LRFN5: variants seen among roughly 807,000 people sequenced by gnomAD.
LRFN5 encodes leucine rich repeat and fibronectin type III domain containing 5.
Under a neutral mutation model 45.6 loss-of-function variants are expected in LRFN5, and 24 were observed. The observed-to-expected ratio is 0.53, with a 90% CI of 0.38 to 0.74. The LOEUF is 0.74. Ranked by LOEUF, LRFN5 falls within the 30% of genes least tolerant of loss-of-function variation. The pLI is 0.00. For missense variants in LRFN5, 776 were observed against 861.5 expected (o/e 0.90, Z 1.24); for synonymous variants, 340 against 313.8 (o/e 1.08, Z -0.88).
chr14:41,839,225 T>C (rs1888772118), intron 2 of LRFN5, among the ~76,000 whole-genome samples: 1 of 152,096 alleles, frequency 6.6e-6, no homozygotes, highest in African/African-American at 2.4e-5. Context: ...AAAATAATTC[T>C]CAGAGTAGAA....
intron 1 of LRFN5, among the ~76,000 whole-genome samples, chr14:41,765,636 G>A (rs1247214091): frequency 1.3e-5 from 2 of 152,098 alleles, no homozygotes; most frequent in Non-Finnish European, 2.9e-5. Context: ...TATCAACATG[G>A]TTGTCAAATG....
At chr14:41,851,038 C>G (rs1889247992) in intron 2 of LRFN5, among the ~76,000 whole-genome samples, 1 of 151,652 alleles carries the variant, frequency 6.6e-6, no homozygotes, top group Admixed American at 6.6e-5. Context: ...AACATAGTAT[C>G]TTATGCATTT....
chr14:41,894,146 TC>T lies in LRFN5; in HGVS notation c.2098+2185del, dbSNP rs1175495921. The T allele has an allele frequency of 1.6e-4, 158 of 984,724 alleles. No homozygotes were observed. In the African/African-American group the frequency reaches 2.3e-3, roughly 14 times the overall value. The allele number at this position is 984,724 out of a possible 1,614,324, so 61.0% of individuals were successfully genotyped here. Reference sequence around the variant, plus strand: ...TTGCAAGACTTAAAGAAATGAATCTTCAAAGACTTTCTGGGATTATGAAGGT... The same window carrying T: ...TTGCAAGACTTAAAGAAATGAATCTTAAAGACTTTCTGGGATTATGAAGGT... On this transcript the variant is annotated intron_variant, in intron 4 of 5. Transcript: ENST00000298119.
intron 2 of LRFN5, among the ~76,000 whole-genome samples, chr14:41,820,098 A>C (rs145630313): frequency 1.1e-3 from 167 of 151,894 alleles, no homozygotes; most frequent in East Asian, 2.9e-3. Flanking sequence ...GTGTTTTGCT[A>C]TGCAGAAGAT....
intron 1 of LRFN5, among the ~76,000 whole-genome samples, chr14:41,720,888 C>T (rs1883686546): frequency 6.6e-6 from 1 of 151,906 alleles, no homozygotes; most frequent in Non-Finnish European, 1.5e-5. Flanking sequence ...CTATAGATGT[C>T]TGTTAGATAC....
chr14:41,718,786 T>G (rs560669282), intron 1 of LRFN5, among the ~76,000 whole-genome samples: 1 of 152,336 alleles, frequency 6.6e-6, no homozygotes, highest in Non-Finnish European at 1.5e-5. Flanking sequence ...GAAACTCAGC[T>G]TTAAACACTT....
chr14:41,855,246 T>C (rs183057115), intron 2 of LRFN5, among the ~76,000 whole-genome samples: 1 of 152,294 alleles, frequency 6.6e-6, no homozygotes, highest in African/African-American at 2.4e-5. Context: ...ATAACTCACA[T>C]AGATATTAGG....
At chr14:41,724,148 T>C (rs796997770) in intron 1 of LRFN5, among the ~76,000 whole-genome samples, 4 of 152,338 alleles carry the variant, frequency 2.6e-5, no homozygotes, top group African/African-American at 9.6e-5. Context: ...TCTACCCATC[T>C]CTTCTCCTTC....
intron 3 of LRFN5, among the ~76,000 whole-genome samples, chr14:41,890,308 C>A (rs183047467): frequency 2.6e-5 from 4 of 152,128 alleles, no homozygotes; most frequent in African/African-American, 9.7e-5. Flanking sequence ...GTTCATGTTT[C>A]TAGGATAATA....
chr14:41,608,347 A>AT lies in LRFN5; in HGVS notation c.-410dup, dbSNP rs1887587538. ...CGGGTTTCATGGGGCGATTGCAGCG[A>AT]TTCCCCCACCCAGAGCGACCTGCGG... On this transcript the variant is annotated 5_prime_UTR_variant, in exon 1 of 6. It removes the in-frame stop codon of an upstream open reading frame in the 5' UTR. Transcript: ENST00000298119. The AT allele has an allele frequency of 6.5e-6, 1 of 152,856 alleles. No individual in the cohort carries two copies. Among genetic ancestry groups the AT allele is most frequent in the South Asian group, 2.1e-4 (1 of 4,834 alleles). 9.5% of individuals were successfully genotyped at this position (152,856 alleles called of 1,614,324 possible). A position where few individuals can be genotyped will look rare whatever the true frequency, so the allele number is the denominator to read the frequency against.
At chr14:41,869,440 T>G (rs115074410) in intron 2 of LRFN5, among the ~76,000 whole-genome samples, 6 of 151,300 alleles carry the variant, frequency 4.0e-5, no homozygotes, top group Admixed American at 4.0e-4. Context: ...TTTTTTTTTT[T>G]AAAAAAAGGT....
At chr14:41,858,191 T>C (rs1038165168) in intron 2 of LRFN5, among the ~76,000 whole-genome samples, 3 of 152,048 alleles carry the variant, frequency 2.0e-5, no homozygotes, top group African/African-American at 7.2e-5. Flanking sequence ...AGAAATATTA[T>C]CTTCACCTGT....
intron 2 of LRFN5, among the ~76,000 whole-genome samples, chr14:41,795,143 A>G (rs757845635): frequency 3.3e-5 from 5 of 152,246 alleles, no homozygotes; most frequent in African/African-American, 1.2e-4. Flanking sequence ...TTTCAAAAGA[A>G]GACATTTATG....
chr14:41,652,141 GAATT>G (rs1880156113), intron 1 of LRFN5, among the ~76,000 whole-genome samples: 1 of 151,848 alleles, frequency 6.6e-6, no homozygotes, highest in Non-Finnish European at 1.5e-5. Context: ...ATAGATAAAT[GAATT>G]AATTTTTCTA....
chr14:41,625,848 T>A (rs1252706262), intron 1 of LRFN5, among the ~76,000 whole-genome samples: 1 of 152,110 alleles, frequency 6.6e-6, no homozygotes. Flanking sequence ...GAGTGTAGGT[T>A]TCTTAACAAT....
intron 1 of LRFN5, among the ~76,000 whole-genome samples, chr14:41,679,533 G>A (rs1881790186): frequency 6.6e-6 from 1 of 152,042 alleles, no homozygotes; most frequent in African/African-American, 2.4e-5. Flanking sequence ...GTCTTTGAAG[G>A]GAATGGCCCA....
chr14:41,750,835 T>C (rs115969767), intron 1 of LRFN5, among the ~76,000 whole-genome samples: 1,833 of 152,142 alleles, frequency 0.012, 27 homozygotes, highest in African/African-American at 0.042. Flanking sequence ...TAAAAATTAT[T>C]ATTATACCTT....
At chr14:41,840,509 C>T (rs2139052868) in intron 2 of LRFN5, among the ~76,000 whole-genome samples, 1 of 152,018 alleles carries the variant, frequency 6.6e-6, no homozygotes, top group East Asian at 1.9e-4. Context: ...ATCAAAATTA[C>T]AGAAGTAGAA....
chr14:41,673,438 C>G lies in LRFN5; in HGVS notation c.-197+64876C>G, dbSNP rs1452424746. ...CTGCCGGACCGGGCGGCTGGCCGGG[C>G]GGGGGGGCTGACCCCCCCACCTCCC... On this transcript the variant is annotated intron_variant, in intron 1 of 5. Transcript: ENST00000298119. Among the ~76,000 whole-genome samples, 20 of 141,026 alleles carry G rather than the reference C, an allele frequency of 1.4e-4. No homozygotes were observed. In the South Asian group the frequency reaches 3.5e-3, roughly 24 times the overall value. The allele number at this position is 141,026 out of a possible 152,430, so 92.5% of individuals were successfully genotyped here.
Sources: allele counts gnomAD v4.1 joint callset (sites outside exome capture counted in the v4.1 genomes callset), GRCh38; gene constraint gnomAD v4.1.1; transcripts MANE v1.5; gene names NCBI Gene and HGNC (gene_info 2026-07-23, HGNC 2026-07-21).